The following GRIN2B variants were observed in gnomAD, a reference collection of about 807,000 sequenced individuals.
GRIN2B encodes the protein glutamate receptor ionotropic, NMDA 2B.
GRIN2B carries 5 observed loss-of-function variants against 114.5 expected under a neutral mutation model. The ratio of observed to expected loss-of-function variants is 0.04; its 90% CI spans 0.02 to 0.09. The LOEUF is 0.09. Among genes scored for constraint, GRIN2B ranks in the 10% least tolerant of loss-of-function variants. The pLI, the probability that GRIN2B is intolerant of heterozygous loss-of-function variation, is 1.00. For synonymous variants in GRIN2B, 787 were observed against 745.1 expected (o/e 1.06, Z -0.92); for missense variants, 1,108 against 1,943.5 (o/e 0.57, Z 8.08).
At chr12:13,937,168 CAT>C (rs551073440) in intron 2 of GRIN2B, among the ~76,000 whole-genome samples, 125 of 146,372 alleles carry the variant, frequency 8.5e-4, no homozygotes, top group Non-Finnish European at 1.5e-3. Context: ...AATAATCTAA[CAT>C]ATATATATAT....
chr12:13,589,690 T>C (rs1302191220), intron 10 of GRIN2B, among the ~76,000 whole-genome samples: 1 of 152,256 alleles, frequency 6.6e-6, no homozygotes, highest in Non-Finnish European at 1.5e-5. Context: ...CATTACATTC[T>C]ACTTGCAACT....
At chr12:13,572,025 G>C (rs991703780) in intron 10 of GRIN2B, 61 bp from the exon 11 acceptor site, 5 of 1,341,326 alleles carry the variant, frequency 3.7e-6, no homozygotes, top group Admixed American at 1.9e-5. Context: ...AGAGAGAAAA[G>C]TCATTTTAGA....
At chr12:13,931,487 C>T (rs1867029778) in intron 2 of GRIN2B, among the ~76,000 whole-genome samples, 1 of 152,142 alleles carries the variant, frequency 6.6e-6, no homozygotes, top group African/African-American at 2.4e-5. Context: ...TAGAATGCTC[C>T]AGGGATTGAT....
At chr12:13,696,860 G>T (rs78860681) in intron 4 of GRIN2B, among the ~76,000 whole-genome samples, 1 of 151,994 alleles carries the variant, frequency 6.6e-6, no homozygotes. Context: ...GTAGGCAAAG[G>T]GTTCAAAATT....
At chr12:13,614,446 T>A (rs1949409115) in intron 8 of GRIN2B, among the ~76,000 whole-genome samples, 1 of 151,950 alleles carries the variant, frequency 6.6e-6, no homozygotes. Flanking sequence ...CTGCAAAAAA[T>A]ATGGGGTATG....
At chr12:13,591,714 A>G (rs1457227406) in intron 10 of GRIN2B, among the ~76,000 whole-genome samples, 1 of 152,214 alleles carries the variant, frequency 6.6e-6, no homozygotes, top group Admixed American at 6.5e-5. Flanking sequence ...TCATGTGATT[A>G]CCATGAATGA....
intron 10 of GRIN2B, among the ~76,000 whole-genome samples, chr12:13,586,651 T>TGGA (rs1245851959): frequency 6.6e-6 from 1 of 152,222 alleles, no homozygotes; most frequent in Non-Finnish European, 1.5e-5. Context: ...GCAGCACAGT[T>TGGA]GGAGACCTCA....
At chr12:13,746,426 T>C (rs1591709109) in intron 4 of GRIN2B, among the ~76,000 whole-genome samples, 1 of 152,182 alleles carries the variant, frequency 6.6e-6, no homozygotes, top group East Asian at 1.9e-4. Context: ...TGAGAGCCAT[T>C]AACCTTCTCG....
intron 4 of GRIN2B, among the ~76,000 whole-genome samples, chr12:13,728,370 T>A (rs139161376): frequency 1.7e-3 from 262 of 152,240 alleles, no homozygotes; most frequent in African/African-American, 5.9e-3. Context: ...AACCACTGTT[T>A]AGTAGTGCTT....
At chr12:13,972,566 C>T (rs1355853986) in intron 2 of GRIN2B, among the ~76,000 whole-genome samples, 1 of 152,174 alleles carries the variant, frequency 6.6e-6, no homozygotes, top group Non-Finnish European at 1.5e-5. Flanking sequence ...CAAATGCACA[C>T]CACTGGCTGA....
intron 10 of GRIN2B, among the ~76,000 whole-genome samples, chr12:13,578,335 TAAG>T (rs770963703): frequency 6.6e-6 from 1 of 152,164 alleles, no homozygotes; most frequent in Non-Finnish European, 1.5e-5. Context: ...GACAAGGGCA[TAAG>T]AAGATTTGCA....
chr12:13,665,185 GTGTGTGA>G (rs1186585483), intron 5 of GRIN2B, among the ~76,000 whole-genome samples: 2 of 151,620 alleles, frequency 1.3e-5, no homozygotes, highest in Non-Finnish European at 2.9e-5. Flanking sequence ...GTGTGTGTGT[GTGTGTGA>G]TAACAGGAAT....
intron 2 of GRIN2B, among the ~76,000 whole-genome samples, chr12:13,875,670 T>C (rs188438120): frequency 1.3e-5 from 2 of 152,314 alleles, no homozygotes; most frequent in Admixed American, 6.5e-5. Context: ...TTTGCAATAA[T>C]AATCATGTTG....
intron 3 of GRIN2B, among the ~76,000 whole-genome samples, chr12:13,816,099 T>G (rs1358251732): frequency 2.0e-5 from 3 of 152,034 alleles, no homozygotes; most frequent in Non-Finnish European, 4.4e-5. Context: ...TTTCATCTGG[T>G]CCACATGTGT....
At position 13,616,469 on chromosome 12, in the gene GRIN2B, T is replaced by C; in HGVS notation, c.1314A>G (p.Lys438=). 1 of 1,613,058 alleles carries C rather than the reference T, an allele frequency of 6.2e-7. No homozygotes were observed. Among genetic ancestry groups the C allele is most frequent in the Non-Finnish European group, 8.5e-7 (1 of 1,179,336 alleles). Residue 438 remains lysine, a synonymous_variant, in exon 6 of 14, where the codon AAA becomes AAG. Transcript: ENST00000609686. ...TCMRNTVPCQ[K]RIVTENKTDE... ...GGATGCCATACTCAGTGACTATGCGTTTTTGGCAGGGGACTGTGTTCCTCA... is the reference window on the plus strand; with the variant it reads ...GGATGCCATACTCAGTGACTATGCGCTTTTGGCAGGGGACTGTGTTCCTCA...
intron 5 of GRIN2B, among the ~76,000 whole-genome samples, chr12:13,620,191 G>T (rs1294648329): frequency 2.6e-5 from 4 of 152,306 alleles, no homozygotes; most frequent in Non-Finnish European, 5.9e-5. Flanking sequence ...GCCAAGGAAA[G>T]GGCAAGAGTG....
intron 4 of GRIN2B, among the ~76,000 whole-genome samples, chr12:13,693,712 C>T (rs992287697): frequency 6.6e-6 from 1 of 152,118 alleles, no homozygotes; most frequent in African/African-American, 2.4e-5. Flanking sequence ...TGTAGACAGG[C>T]ATGGAAACCA....
rs907564716 is a variant in GRIN2B, at chr12:13,554,783, C to A, written c.*8000G>T. Reference sequence around the variant, plus strand: ...AACCTTAGGGGGAAGAATTAGTAGGCTTTTCAAATTTTTAGATATGCAGGA... The same window carrying A: ...AACCTTAGGGGGAAGAATTAGTAGGATTTTCAAATTTTTAGATATGCAGGA... On this transcript the variant is annotated 3_prime_UTR_variant, in exon 14 of 14. Transcript: ENST00000609686. 1 of 152,098 alleles carries A rather than the reference C, an allele frequency of 6.6e-6. No homozygotes were observed. The highest frequency in any genetic ancestry group is 2.4e-5 in the African/African-American group (1 of 41,394). 9.4% of individuals were successfully genotyped at this position (152,098 alleles called of 1,614,324 possible). A position where few individuals can be genotyped will look rare whatever the true frequency, so the allele number is the denominator to read the frequency against.
intron 4 of GRIN2B, among the ~76,000 whole-genome samples, chr12:13,710,460 G>A (rs576183276): frequency 5.3e-5 from 8 of 152,096 alleles, no homozygotes; most frequent in South Asian, 2.1e-4. Flanking sequence ...CAGATGACAC[G>A]ATTGTATGTC....
Sources: allele counts gnomAD v4.1 joint callset (sites outside exome capture counted in the v4.1 genomes callset), GRCh38; gene constraint gnomAD v4.1.1; transcripts MANE v1.5; gene names NCBI Gene and HGNC (gene_info 2026-07-23, HGNC 2026-07-21).